CCDC102B: variants seen among roughly 807,000 people sequenced by gnomAD.
CCDC102B encodes the protein coiled-coil domain-containing protein 102B.
A neutral mutation model predicts 57.4 loss-of-function variants in CCDC102B; 75 were observed. The ratio of observed to expected loss-of-function variants is 1.31; its 90% CI spans 1.08 to 1.58. CCDC102B has a LOEUF of 1.58. Ranked by LOEUF, CCDC102B falls within the 40% of genes most tolerant of loss-of-function variation. The pLI is 0.00. For synonymous variants in CCDC102B, 206 were observed against 201.9 expected (o/e 1.02, Z -0.17); for missense variants, 636 against 582.6 (o/e 1.09, Z -0.94).
chr18:68,924,374 T>TC (rs997186954), intron 6 of CCDC102B, among the ~76,000 whole-genome samples: 4 of 151,982 alleles, frequency 2.6e-5, no homozygotes, highest in Non-Finnish European at 4.4e-5. Context: ...AAGGGGCTTT[T>TC]CCCCCTACCT....
intron 6 of CCDC102B, among the ~76,000 whole-genome samples, chr18:68,970,499 G>A (rs993289514): frequency 2.6e-5 from 4 of 151,540 alleles, no homozygotes; most frequent in African/African-American, 9.7e-5. Flanking sequence ...AATATGTAAA[G>A]TCTTCATCAT....
intron 2 of CCDC102B, among the ~76,000 whole-genome samples, chr18:68,731,595 G>C (rs2032865408): frequency 1.3e-5 from 2 of 151,708 alleles, no homozygotes; most frequent in Non-Finnish European, 2.9e-5. Context: ...TTAGTGGCCA[G>C]AGGGATAAAC....
intron 1 of CCDC102B, among the ~76,000 whole-genome samples, chr18:68,830,056 T>C (rs903137472): frequency 1.3e-5 from 2 of 151,982 alleles, no homozygotes; most frequent in Admixed American, 1.3e-4. Flanking sequence ...TAGATATTGA[T>C]AATAATTATC....
At chr18:68,961,613 TA>T in intron 6 of CCDC102B, among the ~76,000 whole-genome samples, 1 of 152,174 alleles carries the variant, frequency 6.6e-6, no homozygotes, top group East Asian at 1.9e-4. Context: ...AGTGCACCTA[TA>T]AAATGTCATG....
intron 2 of CCDC102B, among the ~76,000 whole-genome samples, chr18:68,726,393 C>T (rs548696521): frequency 6.6e-6 from 1 of 152,198 alleles, no homozygotes; most frequent in Non-Finnish European, 1.5e-5. Flanking sequence ...ATGTTACCTG[C>T]AGGCGTGTTT....
At position 68,998,985 on chromosome 18, in the gene CCDC102B, TATATATATATATATAGAGAGAG is replaced by T. The variant is rs1309818588; in HGVS notation, c.1264-11947_1264-11926del. Among the ~76,000 whole-genome samples the T allele has an allele frequency of 8.9e-3, 671 of 75,634 alleles. 3 individuals carry two copies. Among genetic ancestry groups the T allele is most frequent in the Non-Finnish European group, 0.014 (514 of 36,264 alleles). The allele number at this position is 75,634 out of a possible 152,430, so 49.6% of individuals were successfully genotyped here. On this transcript the variant is annotated intron_variant, in intron 6 of 7. Transcript: ENST00000360242. ...TAATCATCATATATATATATATATA[TATATATATATATATAGAGAGAG>T]AGAGAGAGAGAGAGAGAGAGAGAGA...
At chr18:69,007,585 T>C (rs2051386098) in intron 6 of CCDC102B, among the ~76,000 whole-genome samples, 1 of 152,228 alleles carries the variant, frequency 6.6e-6, no homozygotes. Context: ...CAGAAACACC[T>C]TGAGGACTTG....
At chr18:68,741,855 G>A (rs916141507) in intron 2 of CCDC102B, among the ~76,000 whole-genome samples, 2 of 152,180 alleles carry the variant, frequency 1.3e-5, no homozygotes, top group African/African-American at 4.8e-5. Context: ...GGTCAGTGAT[G>A]GGGAAGGAGT....
At chr18:68,843,710 CTA>C (rs1455496330) in intron 3 of CCDC102B, among the ~76,000 whole-genome samples, 7 of 151,966 alleles carry the variant, frequency 4.6e-5, no homozygotes, top group Non-Finnish European at 7.4e-5. Flanking sequence ...TGTACATAAA[CTA>C]TGCAACAATT....
In CCDC102B at chr18:68,759,360, G is replaced by A. The variant is rs148588615; in HGVS notation, c.-67+42766G>A. 2.0e-3 allele frequency among the ~76,000 whole-genome samples: 311 copies of A among 152,136 alleles called. 5 individuals carry two copies. The highest frequency in any genetic ancestry group is 7.2e-3 in the African/African-American group (299 of 41,548). ...AGTTGCCATATTTAAAGGATTCATT[G>A]GGTGCTTAGCTCAAAGAATAGACAT... On this transcript the variant is annotated intron_variant, in intron 2 of 3. Coordinates refer to the CCDC102B transcript ENST00000578970.
At chr18:68,913,714 G>A (rs1291694319) in intron 6 of CCDC102B, among the ~76,000 whole-genome samples, 1 of 150,176 alleles carries the variant, frequency 6.7e-6, no homozygotes, top group Non-Finnish European at 1.5e-5. Context: ...AGTCAATAAA[G>A]CTAAAGAAAG....
At position 68,939,562 on chromosome 18, in the gene CCDC102B, C is replaced by T. The variant is rs1031041113; in HGVS notation, c.1263+42134C>T. 5.3e-5 allele frequency among the ~76,000 whole-genome samples: 8 copies of T among 151,370 alleles called. No homozygotes were observed. In the East Asian group the frequency reaches 1.4e-3, roughly 26 times the overall value. Reference sequence around the variant, plus strand: ...TGACATATAGTTTCCATTTCATGGCCGAAATAAAGGCTATTCTTCCTGTTA... The same window carrying T: ...TGACATATAGTTTCCATTTCATGGCTGAAATAAAGGCTATTCTTCCTGTTA... On this transcript the variant is annotated intron_variant, in intron 6 of 7. Transcript: ENST00000360242.
intron 6 of CCDC102B, among the ~76,000 whole-genome samples, chr18:68,925,305 T>C (rs1407780548): frequency 1.3e-5 from 2 of 152,024 alleles, no homozygotes; most frequent in Admixed American, 6.6e-5. Flanking sequence ...GTCTGATAAA[T>C]CAATCTGGCT....
intron 6 of CCDC102B, among the ~76,000 whole-genome samples, chr18:68,984,667 T>G (rs921866134): frequency 3.9e-5 from 6 of 152,120 alleles, no homozygotes; most frequent in African/African-American, 1.4e-4. Context: ...CACTTATTAT[T>G]CCAATTTTAT....
At chr18:69,039,041 C>T (rs1220896161) in intron 7 of CCDC102B, among the ~76,000 whole-genome samples, 2 of 151,896 alleles carry the variant, frequency 1.3e-5, no homozygotes, top group Non-Finnish European at 2.9e-5. Context: ...TACTAAAGGA[C>T]CATTCAGACA....
chr18:69,025,723 T>C (rs1185076929), intron 7 of CCDC102B, among the ~76,000 whole-genome samples: 2 of 152,204 alleles, frequency 1.3e-5, no homozygotes. Context: ...GCACATTTGA[T>C]TGGAAGAAAC....
In CCDC102B at chr18:68,896,418, G is replaced by C. The variant is rs1045460190; in HGVS notation, c.1054-801G>C. Among the ~76,000 whole-genome samples, 3 of 151,892 alleles carry C rather than the reference G, an allele frequency of 2.0e-5. No individual in the cohort carries two copies. In the East Asian group the frequency reaches 5.8e-4, roughly 29 times the overall value. ...TCTCCTCATGTTGATATACCATGCAGCCTTGGTTGAGAACCATGGGAAGAG... is the reference window on the plus strand; with the variant it reads ...TCTCCTCATGTTGATATACCATGCACCCTTGGTTGAGAACCATGGGAAGAG... On this transcript the variant is annotated intron_variant, in intron 5 of 7. Transcript: ENST00000360242.
intron 7 of CCDC102B, among the ~76,000 whole-genome samples, chr18:69,044,714 A>C (rs768030777): frequency 6.6e-6 from 1 of 152,186 alleles, no homozygotes; most frequent in Non-Finnish European, 1.5e-5. Flanking sequence ...GACTGTTTAC[A>C]CATGCAAACC....
At chr18:68,920,081 C>T (rs999702810) in intron 6 of CCDC102B, among the ~76,000 whole-genome samples, 1 of 151,988 alleles carries the variant, frequency 6.6e-6, no homozygotes, top group African/African-American at 2.4e-5. Context: ...GCACCTTGTA[C>T]CCATTAGTTA....
Sources: allele counts gnomAD v4.1 joint callset (sites outside exome capture counted in the v4.1 genomes callset), GRCh38; gene constraint gnomAD v4.1.1; transcripts MANE v1.5; gene names NCBI Gene and HGNC (gene_info 2026-07-23, HGNC 2026-07-21).